FLNC: variants seen among roughly 807,000 people sequenced by gnomAD.
FLNC encodes filamin-C.
FLNC carries 91 observed loss-of-function variants against 254.3 expected under a neutral mutation model. That is an observed-to-expected ratio of 0.36 (90% CI 0.30 to 0.43). The LOEUF is 0.43. Among genes scored for constraint, FLNC ranks in the 20% least tolerant of loss-of-function variants. The probability of loss-of-function intolerance (pLI) is 1.00; values close to 1 mark genes in which losing one functional copy is unlikely to be tolerated. For missense variants in FLNC, 2,853 were observed against 3,802.6 expected (o/e 0.75, Z 6.57); for synonymous variants, 1,430 against 1,577.2 (o/e 0.91, Z 2.21).
chr7:128,849,177 C>G lies in FLNC; in HGVS notation c.4928-4C>G, dbSNP rs774816687. 3.1e-6 allele frequency: 5 copies of G among 1,610,448 alleles called. No homozygotes were observed. In the African/African-American group the frequency reaches 5.3e-5, roughly 17 times the overall value. On this transcript the variant is annotated splice_polypyrimidine_tract_variant and splice_region_variant and intron_variant, in intron 28 of 47. Coordinates refer to ENST00000325888, the MANE Select transcript of FLNC (RefSeq NM_001458.5). ...CCTGGCCTCACACTCTTCTCTCTTT[C>G]CAGTGTCCATTGGAGGCCATGGCCT...
intron 21 of FLNC, 42 bp downstream of exon 21, chr7:128,845,297 G>T (rs1808515508): frequency 6.6e-7 from 1 of 1,525,092 alleles, no homozygotes. Context: ...AGTGGCAGGT[G>T]CAGGAGCTGG....
At chr7:128,855,405 C>A in intron 43 of FLNC, 91 bp downstream of exon 43, 1 of 873,368 alleles carries the variant, frequency 1.1e-6, no homozygotes, top group Non-Finnish European at 1.9e-6. Flanking sequence ...AGGGATTTAG[C>A]AGTGACCTTG....
rs776420317 is a variant in FLNC at position 128,854,226 on chromosome 7, G to A, written c.6727+10G>A. 16 of 1,605,466 alleles carry A rather than the reference G, an allele frequency of 1.0e-5. No individual in the cohort carries two copies. Among genetic ancestry groups the A allele is most frequent in the African/African-American group, 5.3e-5 (4 of 74,958 alleles). On this transcript the variant is annotated intron_variant, in intron 40 of 47. Transcript: ENST00000325888. Reference sequence around the variant, plus strand: ...ACCCGGCAGCAGGAGGGTGAGCACCGCACACTGGGCCGGCCGGGTCCTCAC... The same window carrying A: ...ACCCGGCAGCAGGAGGGTGAGCACCACACACTGGGCCGGCCGGGTCCTCAC...
At chr7:128,852,486 G>GT (rs1808859210) in intron 35 of FLNC, 105 bp from the exon 36 acceptor site, 1 of 1,320,906 alleles carries the variant, frequency 7.6e-7, no homozygotes, top group African/African-American at 1.4e-5. Context: ...GTGGCCCCCC[G>GT]TGTCTGTTGA....
At chr7:128,849,129 G>A in intron 28 of FLNC, 52 bp from the exon 29 acceptor site, 1 of 1,186,772 alleles carries the variant, frequency 8.4e-7, no homozygotes, top group South Asian at 1.2e-5. Flanking sequence ...CCCGCCCAAT[G>A]CCCCAGCCCA....
chr7:128,856,547 G>C lies in FLNC; in HGVS notation c.7281G>C (p.Ala2427=). The C allele has an allele frequency of 6.2e-7, 1 of 1,612,890 alleles. No homozygotes were observed. Among genetic ancestry groups the C allele is most frequent in the East Asian group, 2.2e-5 (1 of 44,880 alleles). ...QETGLKVNQP[A]SFAVQLNGAR... is the part of the protein sequence containing the mutation. The stretch of plus-strand genomic sequence containing the variant: ...CGGGGCTCAAGGTGAACCAGCCAGC[G>C]TCCTTTGCCGTGCAGCTGAACGGTG... Residue 2427 remains alanine, a synonymous_variant, in exon 44 of 48, where the codon GCG becomes GCC. Transcript: ENST00000325888. The surrounding 1 kb of genome is among the most constrained non-coding windows in gnomAD (Gnocchi z 5.9).
In FLNC at chr7:128,835,312, C is replaced by T. The variant is rs1177537742; in HGVS notation, c.353-14C>T. 1 of 1,612,826 alleles carries T rather than the reference C, an allele frequency of 6.2e-7. No individual in the cohort carries two copies. Among genetic ancestry groups the T allele is most frequent in the African/African-American group, 1.3e-5 (1 of 74,888 alleles). On this transcript the variant is annotated splice_polypyrimidine_tract_variant and intron_variant, in intron 1 of 47. Transcript: ENST00000325888. This position sits in a 1 kb window ranked among gnomAD's most constrained non-coding sequence, Gnocchi z 5.3. ...GGGGCGCCCCTGAGCCCGTCTGTGC[C>T]CTCCCCTCTGCAGACAGCAAGGCCA...
At position 128,854,413 on chromosome 7, in the gene FLNC, G is replaced by A. The variant is rs1311623651; in HGVS notation, c.6728G>A (p.Gly2243Asp). Residue 2243 changes from glycine to aspartate, a missense_variant and splice_region_variant, in exon 41 of 48, where the codon GGT becomes GAT. By Grantham distance (94) the Gly-to-Asp change is moderately conservative (BLOSUM62 -1). Transcript: ENST00000325888. The part of the protein sequence containing the change: ...SFGSITRQQE[G>D]EASSQDMTAQ... ...CCCTGACATCCCCCAAACCCTGCAGGTGAGGCCAGCTCTCAGGACATGACT... is the reference window on the plus strand; with the variant it reads ...CCCTGACATCCCCCAAACCCTGCAGATGAGGCCAGCTCTCAGGACATGACT... The A allele has an allele frequency of 2.5e-6, 4 of 1,609,642 alleles. No homozygotes were observed. Among genetic ancestry groups the A allele is most frequent in the Admixed American group, 3.4e-5 (2 of 59,412 alleles).
At chr7:128,831,807 G>A (rs529713569) in intron 1 of FLNC, among the ~76,000 whole-genome samples, 2 of 152,250 alleles carry the variant, frequency 1.3e-5, no homozygotes, top group African/African-American at 4.8e-5. Flanking sequence ...TGTAGTGCAG[G>A]GTGGGGGCGG....
chr7:128,845,951 GCCC>G (rs1369137000), intron 21 of FLNC, 36 bp from the exon 22 acceptor site: 1 of 1,603,064 alleles, frequency 6.2e-7, no homozygotes, highest in Non-Finnish European at 8.5e-7. Context: ...TGTGAAGGCT[GCCC>G]CCACCCCTGC....
Position 128,842,571 on chromosome 7 carries a change from G to A in FLNC, c.2266-4G>A, listed in dbSNP as rs371719048. The A allele has an allele frequency of 2.0e-5, 31 of 1,548,980 alleles. No individual in the cohort carries two copies. The highest frequency in any genetic ancestry group is 1.8e-4 in the African/African-American group (13 of 73,010). On this transcript the variant is annotated splice_region_variant and splice_polypyrimidine_tract_variant and intron_variant, in intron 14 of 47. Coordinates refer to ENST00000325888, the MANE Select transcript of FLNC (RefSeq NM_001458.5). The surrounding 1 kb of genome is among the most constrained non-coding windows in gnomAD (Gnocchi z 5.4). Reference sequence around the variant, plus strand: ...ACCACGCTGAGCTGCGACCCCTCCCGCAGGTGAACGTGGGCGAGGGCAGCC... The same window carrying A: ...ACCACGCTGAGCTGCGACCCCTCCCACAGGTGAACGTGGGCGAGGGCAGCC...
At chr7:128,855,356 G>A in intron 43 of FLNC, 42 bp downstream of exon 43, 2 of 1,289,782 alleles carry the variant, frequency 1.6e-6, no homozygotes, top group Middle Eastern at 1.8e-4. Flanking sequence ...TGCTATCTGA[G>A]AGATGGGCAG....
intron 4 of FLNC, 26 bp downstream of exon 4, chr7:128,837,574 C>T: frequency 6.2e-7 from 1 of 1,613,982 alleles, no homozygotes; most frequent in African/African-American, 1.3e-5. Context: ...TGGCGGCCCT[C>T]CTGGGCAGCT....
In FLNC at chr7:128,838,254, C is replaced by G; in HGVS notation, c.1048-13C>G. 6.2e-7 allele frequency: 1 copy of G among 1,613,638 alleles called. No individual in the cohort carries two copies. The highest frequency in any genetic ancestry group is 8.5e-7 in the Non-Finnish European group (1 of 1,179,666). ...TCTCCCCTAGAAGCTAACCTTTGACCTCTGACCCCTAGGTGACCGTGCTCT... is the reference window on the plus strand; with the variant it reads ...TCTCCCCTAGAAGCTAACCTTTGACGTCTGACCCCTAGGTGACCGTGCTCT... On this transcript the variant is annotated splice_polypyrimidine_tract_variant and intron_variant, in intron 6 of 47. Coordinates refer to ENST00000325888, the MANE Select transcript of FLNC (RefSeq NM_001458.5).
chr7:128,847,049 C>T (rs1808598242), intron 24 of FLNC, 144 bp downstream of exon 24: 1 of 1,009,286 alleles, frequency 9.9e-7, no homozygotes, highest in Non-Finnish European at 1.5e-6. Context: ...GGAGCCCGGC[C>T]AGAGGGAGGA....
At chr7:128,851,741 T>TAA in intron 35 of FLNC, 113 bp downstream of exon 35, 1 of 1,104,740 alleles carries the variant, frequency 9.1e-7, no homozygotes, top group African/African-American at 1.5e-5. Context: ...GCAGAGGCCC[T>TAA]TCAAGGTGTG....
Position 128,856,595 on chromosome 7 carries a change from G to T in FLNC, c.7329G>T (p.Arg2443=). Residue 2443 remains arginine, a synonymous_variant, in exon 44 of 48, where the codon CGG becomes CGT. Coordinates refer to ENST00000325888, the MANE Select transcript of FLNC (RefSeq NM_001458.5). This position sits in a 1 kb window ranked among gnomAD's most constrained non-coding sequence, Gnocchi z 5.9. ...GTGCCCGGGGCGTGATTGATGCCCG[G>T]GTGCACACACCCTCGGGGGCTGTGG... ...LNGARGVIDA[R]VHTPSGAVEE... The T allele has an allele frequency of 1.2e-6, 2 of 1,612,824 alleles. No individual in the cohort carries two copies.
rs1436165683 is a variant in FLNC at position 128,846,470 on chromosome 7, T to C, written c.4127+7T>C. On this transcript the variant is annotated splice_region_variant and intron_variant, in intron 23 of 47. Transcript: ENST00000325888. Reference sequence around the variant, plus strand: ...GATTCACTGTGGAGACCAGGTATCCTCCCCCTTTGCTAGCCTAAATCTGTG... The same window carrying C: ...GATTCACTGTGGAGACCAGGTATCCCCCCCCTTTGCTAGCCTAAATCTGTG... 8.7e-6 allele frequency: 14 copies of C among 1,600,170 alleles called. No homozygotes were observed. Among genetic ancestry groups the C allele is most frequent in the Non-Finnish European group, 1.2e-5 (14 of 1,179,792 alleles).
At chr7:128,853,887 C>T in intron 39 of FLNC, 50 bp downstream of exon 39, 1 of 1,613,062 alleles carries the variant, frequency 6.2e-7, no homozygotes, top group Non-Finnish European at 8.5e-7. Context: ...AGAGGGCTGG[C>T]CCGGGCCAGA....
Sources: gnomAD v4.1 joint callset for allele counts (sites outside exome capture counted in the v4.1 genomes callset) on GRCh38, gnomAD v4.1.1 for gene constraint, Gnocchi (gnomAD v3.1) non-coding constraint, MANE v1.5 for transcripts, NCBI Gene and HGNC (gene_info 2026-07-23, HGNC 2026-07-21) for gene names.